Variants in FRS2 observed in about 807,000 individuals in gnomAD.
FRS2 encodes FGFR signalling adaptor.
In FRS2, 8 loss-of-function variants were observed where a neutral mutation model predicts 43.9. The observed-to-expected ratio is 0.18, with a 90% confidence interval of 0.11 to 0.33. The LOEUF (loss-of-function observed/expected upper bound fraction) is 0.33, where lower values mean the gene tolerates loss of function less well. Among genes scored for constraint, FRS2 ranks in the 10% least tolerant of loss-of-function variants. The pLI is 1.00. For missense variants in FRS2, 534 were observed against 627.6 expected (o/e 0.85, Z 1.59); for synonymous variants, 219 against 220.3 (o/e 0.99, Z 0.05).
In FRS2 at chr12:69,518,706, C is replaced by T. The variant is rs1875304597; in HGVS notation, c.-260-12159C>T. 6.3e-5 allele frequency among the ~76,000 whole-genome samples: 9 copies of T among 142,924 alleles called. No homozygotes were observed. The South Asian group carries it at 2.0e-3, about 32-fold the overall frequency. 93.8% of individuals were successfully genotyped at this position (142,924 alleles called of 152,430 possible). A position where few individuals can be genotyped will look rare whatever the true frequency, so the allele number is the denominator to read the frequency against. ...TCCAGCCTAGTTGACAAAGTGAAAC[C>T]CTGTCTTAAAAAAAAAAAAAGTTGT... On this transcript the variant is annotated intron_variant, in intron 1 of 8. Transcript: ENST00000549921.
chr12:69,517,521 C>T (rs1875181438), intron 1 of FRS2, among the ~76,000 whole-genome samples: 1 of 151,416 alleles, frequency 6.6e-6, no homozygotes, highest in Non-Finnish European at 1.5e-5. Flanking sequence ...AACTAATCAT[C>T]TAGATAAGAA....
chr12:69,489,877 A>G (rs998946497), intron 1 of FRS2, among the ~76,000 whole-genome samples: 1 of 150,950 alleles, frequency 6.6e-6, no homozygotes, highest in Non-Finnish European at 1.5e-5. Flanking sequence ...GCAAAGGAAT[A>G]TACTGATTGT....
At chr12:69,542,833 C>A (rs1878036421) in intron 3 of FRS2, among the ~76,000 whole-genome samples, 1 of 152,200 alleles carries the variant, frequency 6.6e-6, no homozygotes, top group South Asian at 2.1e-4. Context: ...ACAGTTGTTT[C>A]AATCCTAGAG....
intron 3 of FRS2, among the ~76,000 whole-genome samples, chr12:69,538,223 A>ATATATGTATATATATATATATATATATG (rs1194377826): frequency 1.0e-5 from 1 of 100,196 alleles, no homozygotes; most frequent in African/African-American, 4.4e-5. Context: ...ATATATATAT[A>ATATATGTATATATATATATATATATATG]GCATTGCAGA....
chr12:69,492,315 A>G (rs1045794051), intron 1 of FRS2, among the ~76,000 whole-genome samples: 2 of 152,248 alleles, frequency 1.3e-5, no homozygotes, highest in African/African-American at 4.8e-5. Flanking sequence ...CCATTAAGTC[A>G]TATAAAATGG....
At chr12:69,513,654 A>AT (rs1448286360) in intron 1 of FRS2, among the ~76,000 whole-genome samples, 3 of 152,176 alleles carry the variant, frequency 2.0e-5, no homozygotes, top group Admixed American at 6.5e-5. Flanking sequence ...TTACTGAGTT[A>AT]TTTTTTTAAA....
chr12:69,470,870 G>A (rs1870213652), intron 1 of FRS2, among the ~76,000 whole-genome samples: 2 of 152,260 alleles, frequency 1.3e-5, no homozygotes, highest in South Asian at 4.1e-4. Flanking sequence ...GGTATTCTGT[G>A]TCCGGCCTGG....
At chr12:69,566,425 T>C (rs905986468) in intron 4 of FRS2, among the ~76,000 whole-genome samples, 3 of 152,126 alleles carry the variant, frequency 2.0e-5, no homozygotes, top group African/African-American at 2.4e-5. Flanking sequence ...AAATTTCTTA[T>C]ATTACTCATC....
chr12:69,527,979 A>G (rs1487092072), intron 1 of FRS2, among the ~76,000 whole-genome samples: 1 of 151,470 alleles, frequency 6.6e-6, no homozygotes, highest in Non-Finnish European at 1.5e-5. Context: ...TGCTTTATGT[A>G]CCTTAAAGTA....
intron 3 of FRS2, among the ~76,000 whole-genome samples, chr12:69,556,349 T>C (rs1236229155): frequency 8.0e-6 from 1 of 124,658 alleles, no homozygotes; most frequent in African/African-American, 2.6e-5. Context: ...TTCTTTCTTT[T>C]TTTTTTTAAG....
intron 1 of FRS2, among the ~76,000 whole-genome samples, chr12:69,490,463 T>G (rs1382092213): frequency 6.6e-6 from 1 of 151,550 alleles, no homozygotes; most frequent in Non-Finnish European, 1.5e-5. Context: ...TTGAAACTTT[T>G]GCCCAAGTTT....
intron 1 of FRS2, among the ~76,000 whole-genome samples, chr12:69,516,407 G>A (rs908459206): frequency 2.0e-5 from 3 of 151,652 alleles, no homozygotes; most frequent in Non-Finnish European, 4.4e-5. Flanking sequence ...TAGTAGAGAC[G>A]GGGTTTCTCC....
At chr12:69,573,943 G>C (rs1880971272) in intron 8 of FRS2, 62 bp from the exon 9 acceptor site, 1 of 1,084,388 alleles carries the variant, frequency 9.2e-7, no homozygotes, top group Non-Finnish European at 1.3e-6. Context: ...GATGTGGTCA[G>C]GCTTTTTTTC....
intron 3 of FRS2, among the ~76,000 whole-genome samples, chr12:69,536,580 T>A (rs57952902): frequency 0.11 from 3,654 of 34,516 alleles, 80 homozygotes; most frequent in African/African-American, 0.41. Flanking sequence ...TTTTTTTTAA[T>A]TTTTTTTTTT....
chr12:69,552,195 G>C (rs562845978), intron 3 of FRS2, among the ~76,000 whole-genome samples: 1 of 150,768 alleles, frequency 6.6e-6, no homozygotes, highest in Non-Finnish European at 1.5e-5. Context: ...CCAGCTACTC[G>C]GGAGGCTGAG....
At chr12:69,474,795 CT>C (rs1475689796) in intron 1 of FRS2, among the ~76,000 whole-genome samples, 1 of 152,146 alleles carries the variant, frequency 6.6e-6, no homozygotes, top group Non-Finnish European at 1.5e-5. Flanking sequence ...CAGTATTTCA[CT>C]TATTTATGTG....
chr12:69,537,572 A>G (rs996179722), intron 3 of FRS2, among the ~76,000 whole-genome samples: 1 of 151,832 alleles, frequency 6.6e-6, no homozygotes, highest in African/African-American at 2.4e-5. Flanking sequence ...GTAAGTAATA[A>G]CCCTTTTATT....
intron 4 of FRS2, among the ~76,000 whole-genome samples, chr12:69,564,136 G>C (rs915782708): frequency 5.3e-5 from 8 of 151,826 alleles, no homozygotes; most frequent in Admixed American, 2.0e-4. Flanking sequence ...TCCTCTAGGG[G>C]TTACCTCTTT....
At chr12:69,496,732 G>A (rs1252329325) in intron 1 of FRS2, among the ~76,000 whole-genome samples, 2 of 152,116 alleles carry the variant, frequency 1.3e-5, no homozygotes, top group African/African-American at 4.8e-5. Flanking sequence ...GTAACTTTTG[G>A]TTAGAGAAGA....
Sources: gnomAD v4.1 joint callset for allele counts (sites outside exome capture counted in the v4.1 genomes callset) on GRCh38, gnomAD v4.1.1 for gene constraint, MANE v1.5 for transcripts, NCBI Gene and HGNC (gene_info 2026-07-23, HGNC 2026-07-21) for gene names.